The following HDAC4 variants were observed in gnomAD, a reference collection of about 807,000 sequenced individuals.
HDAC4 encodes the protein histone deacetylase 4, also known as histone deacetylase A.
A neutral mutation model predicts 135.1 loss-of-function variants in HDAC4; 16 were observed. The ratio of observed to expected loss-of-function variants is 0.12; its 90% CI spans 0.08 to 0.18. The LOEUF is 0.18. HDAC4 is among the 10% of genes least tolerant of loss of function. The pLI, the probability that HDAC4 is intolerant of heterozygous loss-of-function variation, is 1.00. For synonymous variants in HDAC4, 685 were observed against 653.4 expected (o/e 1.05, Z -0.74); for missense variants, 1,143 against 1,511.8 (o/e 0.76, Z 4.05).
rs1476109249 is a variant in HDAC4 at position 239,285,243 on chromosome 2, TA to T, written c.23-48580del. 1.3e-5 allele frequency among the ~76,000 whole-genome samples: 2 copies of T among 152,132 alleles called. No individual in the cohort carries two copies. The highest frequency in any genetic ancestry group is 4.8e-5 in the African/African-American group (2 of 41,430). On this transcript the variant is annotated intron_variant, in intron 2 of 26. Coordinates refer to ENST00000543185, the MANE Select transcript of HDAC4 (RefSeq NM_001378414.1). The surrounding 1 kb of genome is among the most constrained non-coding windows in gnomAD (Gnocchi z 4.5). ...ACGGTGGAGGGGGACAGAGCCACGC[TA>T]AGGAGGAACACAGCCATGCTGGGGG...
rs141966005 is a variant in HDAC4 at position 239,050,732 on chromosome 2, C to A, written c.*2365G>T. The A allele has an allele frequency of 1.7e-3, 266 of 152,752 alleles. No homozygotes were observed. The highest frequency in any genetic ancestry group is 6.1e-3 in the African/African-American group (255 of 41,578). 9.5% of individuals were successfully genotyped at this position (152,752 alleles called of 1,614,324 possible). On this transcript the variant is annotated 3_prime_UTR_variant, in exon 27 of 27. Transcript: ENST00000543185. Reference sequence around the variant, plus strand: ...GCACGGTGTGTCTGAACTTCTGCCCCCAAGTCTGAACCCAATATACACTTT... The same window carrying A: ...GCACGGTGTGTCTGAACTTCTGCCCACAAGTCTGAACCCAATATACACTTT...
rs1038805829 is a variant in HDAC4, at chr2:239,115,781, C to A, written c.1534-471G>T. Among the ~76,000 whole-genome samples the A allele has an allele frequency of 6.6e-6, 1 of 152,126 alleles. No individual in the cohort carries two copies. Among genetic ancestry groups the A allele is most frequent in the Non-Finnish European group, 1.5e-5 (1 of 68,010 alleles). On this transcript the variant is annotated intron_variant, in intron 12 of 26. Transcript: ENST00000543185. The surrounding 1 kb of genome is among the most constrained non-coding windows in gnomAD (Gnocchi z 6.3). ...TGCTCACTGCCCAATCCCACCAACA[C>A]GCCACGGCCTCCCCTCCTGCAGGAT...
chr2:239,391,503 G>A (rs1249638222), intron 1 of HDAC4, among the ~76,000 whole-genome samples: 2 of 152,212 alleles, frequency 1.3e-5, no homozygotes, highest in African/African-American at 4.8e-5. Context: ...AGACCTGCCA[G>A]CAGAGAGGGC....
At chr2:239,130,159 G>A (rs1156642620) in intron 11 of HDAC4, among the ~76,000 whole-genome samples, 6 of 152,200 alleles carry the variant, frequency 3.9e-5, no homozygotes, top group Non-Finnish European at 7.3e-5. Context: ...AATCCCGGCC[G>A]CCCAAGGGAA....
intron 9 of HDAC4, among the ~76,000 whole-genome samples, chr2:239,135,379 G>A (rs1047105185): frequency 6.6e-6 from 1 of 152,210 alleles, no homozygotes; most frequent in Non-Finnish European, 1.5e-5. Flanking sequence ...AACTAACAGT[G>A]AGAAAAGCAC....
At chr2:239,143,660 A>G (rs11677464) in intron 8 of HDAC4, among the ~76,000 whole-genome samples, 11,281 of 152,284 alleles carry the variant, frequency 0.074, 536 homozygotes, top group East Asian at 0.17. Flanking sequence ...CCCTGTATTT[A>G]GCGGGTAGGT....
At chr2:239,059,963 C>T (rs2032439666) in intron 24 of HDAC4, among the ~76,000 whole-genome samples, 1 of 152,176 alleles carries the variant, frequency 6.6e-6, no homozygotes, top group South Asian at 2.1e-4. Context: ...CACCCACGTC[C>T]GTCACACTCG....
At chr2:239,180,643 T>C (rs915827847) in intron 4 of HDAC4, among the ~76,000 whole-genome samples, 4 of 152,234 alleles carry the variant, frequency 2.6e-5, no homozygotes, top group Non-Finnish European at 4.4e-5. Flanking sequence ...GAGACAGGCA[T>C]TGGCCAACCA....
At chr2:239,077,959 T>C (rs1279321783) in intron 22 of HDAC4, among the ~76,000 whole-genome samples, 6 of 152,238 alleles carry the variant, frequency 3.9e-5, no homozygotes, top group Admixed American at 1.3e-4. Context: ...ATCACAGTTA[T>C]TGCTTGAGAA....
At chr2:239,163,148 G>GC (rs1211774712) in intron 6 of HDAC4, among the ~76,000 whole-genome samples, 2 of 152,138 alleles carry the variant, frequency 1.3e-5, no homozygotes, top group Non-Finnish European at 1.5e-5. Flanking sequence ...AGACGAACAA[G>GC]CCTTTTGTGG....
At chr2:239,256,482 G>A (rs193281220) in intron 2 of HDAC4, among the ~76,000 whole-genome samples, 39 of 152,364 alleles carry the variant, frequency 2.6e-4, no homozygotes, top group African/African-American at 8.2e-4. Flanking sequence ...GCGCCGAGGC[G>A]GGTTCCAGCC....
At chr2:239,113,460 C>T (rs1268664307) in intron 13 of HDAC4, among the ~76,000 whole-genome samples, 1 of 152,200 alleles carries the variant, frequency 6.6e-6, no homozygotes, top group Non-Finnish European at 1.5e-5. Context: ...GCTGGAGGTG[C>T]CCCGCCTTAT....
chr2:239,323,861 T>C (rs1464136426), intron 2 of HDAC4, among the ~76,000 whole-genome samples: 1 of 152,190 alleles, frequency 6.6e-6, no homozygotes, highest in African/African-American at 2.4e-5. Flanking sequence ...AACATTCATT[T>C]TTATTTTTTC....
In HDAC4 at chr2:239,244,648, G is replaced by A. The variant is rs574376734; in HGVS notation, c.23-7984C>T. Among the ~76,000 whole-genome samples, 163 of 152,266 alleles carry A rather than the reference G, an allele frequency of 1.1e-3. No individual in the cohort carries two copies. In the South Asian group the frequency reaches 0.013, roughly 12 times the overall value. ...GCTTGGAAACAAAATGATCTACAAG[G>A]TCAGCCAAATACTCAAATTCCCCCT... On this transcript the variant is annotated intron_variant, in intron 2 of 26. Coordinates refer to ENST00000543185, the MANE Select transcript of HDAC4 (RefSeq NM_001378414.1).
intron 2 of HDAC4, among the ~76,000 whole-genome samples, chr2:239,316,090 C>T (rs1176737653): frequency 1.3e-5 from 2 of 152,166 alleles, no homozygotes; most frequent in Admixed American, 6.5e-5. Flanking sequence ...GACAGAAAAA[C>T]GGCCCTTACA....
chr2:239,397,235 G>A (rs929946381), intron 1 of HDAC4, among the ~76,000 whole-genome samples: 3 of 152,228 alleles, frequency 2.0e-5, no homozygotes, highest in Admixed American at 2.0e-4. Context: ...TGGCCTTTGG[G>A]ACTGGAGATG....
intron 1 of HDAC4, among the ~76,000 whole-genome samples, chr2:239,392,703 G>C (rs1696310070): frequency 6.6e-6 from 1 of 152,196 alleles, no homozygotes; most frequent in Non-Finnish European, 1.5e-5. Context: ...TGAGTCCTGG[G>C]GGTGGGTAAG....
intron 1 of HDAC4, among the ~76,000 whole-genome samples, chr2:239,371,598 C>T (rs1694623197): frequency 6.6e-6 from 1 of 151,978 alleles, no homozygotes; most frequent in African/African-American, 2.4e-5. Context: ...TTCACAAACA[C>T]TCATGCTCAC....
At chr2:239,187,531 C>T (rs1263928227) in intron 4 of HDAC4, among the ~76,000 whole-genome samples, 2 of 152,234 alleles carry the variant, frequency 1.3e-5, no homozygotes, top group Non-Finnish European at 2.9e-5. Context: ...GCCTGGCATG[C>T]ACCTGTTTCC....
Sources: gnomAD v4.1 joint callset for allele counts (sites outside exome capture counted in the v4.1 genomes callset) on GRCh38, gnomAD v4.1.1 for gene constraint, Gnocchi (gnomAD v3.1) non-coding constraint, MANE v1.5 for transcripts, NCBI Gene and HGNC (gene_info 2026-07-23, HGNC 2026-07-21) for gene names.